Variants in ST8SIA4 observed in about 807,000 individuals in gnomAD.
The protein encoded by ST8SIA4 is CMP-N-acetylneuraminate-poly-alpha-2,8-sialyltransferase.
In ST8SIA4, 15 loss-of-function variants were observed where a neutral mutation model predicts 33.9. The observed-to-expected ratio is 0.44, with a 90% CI of 0.30 to 0.68. ST8SIA4 has a LOEUF of 0.68. Ranked by LOEUF, ST8SIA4 falls within the 30% of genes least tolerant of loss-of-function variation. ST8SIA4 has a pLI of 0.10. For synonymous variants in ST8SIA4, 171 were observed against 151.2 expected (o/e 1.13, Z -0.96); for missense variants, 321 against 428.0 (o/e 0.75, Z 2.21).
intron 1 of ST8SIA4, among the ~76,000 whole-genome samples, chr5:100,899,666 A>T (rs1752857394): frequency 6.6e-6 from 1 of 152,220 alleles, no homozygotes; most frequent in African/African-American, 2.4e-5. Flanking sequence ...TATTTATATG[A>T]CATTAAAGTT....
At chr5:100,895,081 G>T (rs1405661504) in intron 2 of ST8SIA4, among the ~76,000 whole-genome samples, 1 of 151,998 alleles carries the variant, frequency 6.6e-6, no homozygotes, top group Non-Finnish European at 1.5e-5. Context: ...ATAAACGTAG[G>T]CATGGAGTAT....
chr5:100,847,965 A>G (rs909792406), intron 4 of ST8SIA4, among the ~76,000 whole-genome samples: 1 of 152,130 alleles, frequency 6.6e-6, no homozygotes, highest in Non-Finnish European at 1.5e-5. Flanking sequence ...AAAATAATGA[A>G]GCAAAAAAGA....
chr5:100,873,128 C>A lies in ST8SIA4; in HGVS notation c.503+13215G>T, dbSNP rs576330431. Among the ~76,000 whole-genome samples, 5 of 152,230 alleles carry A rather than the reference C, an allele frequency of 3.3e-5. No homozygotes were observed. In the East Asian group the frequency reaches 5.8e-4, roughly 18 times the overall value. On this transcript the variant is annotated intron_variant, in intron 3 of 4. Transcript: ENST00000231461. ...GGATTTACTTACATAAATAAGTACA[C>A]ATTTAAGTGGCCCTCTTAATTGATA...
At chr5:100,817,814 G>A (rs759589922) in intron 4 of ST8SIA4, among the ~76,000 whole-genome samples, 2 of 152,162 alleles carry the variant, frequency 1.3e-5, no homozygotes, top group Non-Finnish European at 2.9e-5. Context: ...CAGACAATAA[G>A]TGATAGATCT....
intron 4 of ST8SIA4, among the ~76,000 whole-genome samples, chr5:100,842,350 G>C (rs1205440010): frequency 1.3e-5 from 2 of 151,920 alleles, no homozygotes; most frequent in Admixed American, 1.3e-4. Flanking sequence ...GATTCTTCCT[G>C]GTAGCGACGT....
chr5:100,834,251 C>A (rs1273477394), intron 4 of ST8SIA4, among the ~76,000 whole-genome samples: 2 of 151,920 alleles, frequency 1.3e-5, no homozygotes, highest in African/African-American at 4.8e-5. Context: ...ACAAAAGGAG[C>A]AATTGTTAGT....
intron 2 of ST8SIA4, among the ~76,000 whole-genome samples, chr5:100,892,545 A>G (rs1401472037): frequency 6.6e-6 from 1 of 152,134 alleles, no homozygotes; most frequent in African/African-American, 2.4e-5. Flanking sequence ...AATAAGGCAT[A>G]TGGGAACAAA....
intron 4 of ST8SIA4, among the ~76,000 whole-genome samples, chr5:100,847,207 A>G (rs1751588692): frequency 6.6e-6 from 1 of 152,104 alleles, no homozygotes; most frequent in African/African-American, 2.4e-5. Context: ...CTAATTTTAA[A>G]ACAAGTAAGC....
chr5:100,902,436 C>A (rs918246962), intron 1 of ST8SIA4, among the ~76,000 whole-genome samples: 2 of 151,984 alleles, frequency 1.3e-5, no homozygotes, highest in Non-Finnish European at 2.9e-5. Flanking sequence ...TTCAGCCCTT[C>A]GAGAAACCAT....
chr5:100,814,734 A>G (rs1483361577), intron 4 of ST8SIA4, among the ~76,000 whole-genome samples: 1 of 151,988 alleles, frequency 6.6e-6, no homozygotes, highest in East Asian at 1.9e-4. Context: ...GTATAGGCCA[A>G]TCTAAATTAT....
At position 100,893,922 on chromosome 5, in the gene ST8SIA4, A is replaced by G. The variant is rs563733819; in HGVS notation, c.245+1732T>C. 2.6e-5 allele frequency among the ~76,000 whole-genome samples: 4 copies of G among 152,180 alleles called. No homozygotes were observed. In the East Asian group the frequency reaches 7.7e-4, roughly 29 times the overall value. ...TCAAATTTTTGCTATTTAATCACCT[A>G]TCTCTCTCTCTTTCCAATATACCTT... On this transcript the variant is annotated intron_variant, in intron 2 of 4. Coordinates refer to ENST00000231461, the MANE Select transcript of ST8SIA4 (RefSeq NM_005668.6).
chr5:100,837,074 T>C (rs1438641465), intron 4 of ST8SIA4, among the ~76,000 whole-genome samples: 1 of 151,742 alleles, frequency 6.6e-6, no homozygotes, highest in Non-Finnish European at 1.5e-5. Flanking sequence ...GATCATTAGC[T>C]CTACTTTCCA....
At chr5:100,834,887 T>C (rs1751337603) in intron 4 of ST8SIA4, among the ~76,000 whole-genome samples, 1 of 152,172 alleles carries the variant, frequency 6.6e-6, no homozygotes, top group Non-Finnish European at 1.5e-5. Context: ...TGCAGAACCA[T>C]GAACCAATTA....
rs917045467 is a variant in ST8SIA4 at position 100,902,854 on chromosome 5, C to T, written c.102G>A (p.Thr34=). The T allele has an allele frequency of 1.2e-6, 2 of 1,613,470 alleles. No individual in the cohort carries two copies. The highest frequency in any genetic ancestry group is 2.7e-5 in the African/African-American group (2 of 74,908). Residue 34 remains threonine, a synonymous_variant, in exon 1 of 5, where the codon ACG becomes ACA. Transcript: ENST00000231461. Reference sequence around the variant, plus strand: ...AGCTTTGCATTTACCCGATGAGTTGCGTCTCCTGGTGCTCCTCAGTTCTTG... The same window carrying T: ...AGCTTTGCATTTACCCGATGAGTTGTGTCTCCTGGTGCTCCTCAGTTCTTG... ...EIARTEEHQE[T]QLIGDGELSL...
At chr5:100,839,855 CACTA>C (rs1415980626) in intron 4 of ST8SIA4, among the ~76,000 whole-genome samples, 2 of 151,740 alleles carry the variant, frequency 1.3e-5, no homozygotes, top group Admixed American at 6.6e-5. Flanking sequence ...CTAACTGTGC[CACTA>C]ACTGAGTGTC....
In ST8SIA4 at chr5:100,886,424, G is replaced by T; in HGVS notation, c.422C>A (p.Thr141Asn). 6.2e-7 allele frequency: 1 copy of T among 1,613,830 alleles called. No individual in the cohort carries two copies. The highest frequency in any genetic ancestry group is 1.1e-5 in the South Asian group (1 of 91,084). Residue 141 changes from threonine (T) to asparagine (N), a missense_variant, in exon 3 of 5, where the codon ACC (threonine) becomes AAC (asparagine). Physicochemically the swap from Thr to Asn is moderately conservative, Grantham distance 65 (BLOSUM62 0). Coordinates refer to ENST00000231461, the MANE Select transcript of ST8SIA4 (RefSeq NM_005668.6). ...VSPMKNRRFK[T>N]CAVVGNSGIL... is the part of the protein sequence containing the mutation. ...GCCAGAATTTCCAACAACTGCACAG[G>T]TCTTAAACCTGCGATTCTTCATTGG...
At chr5:100,834,003 T>C (rs998465477) in intron 4 of ST8SIA4, among the ~76,000 whole-genome samples, 7 of 152,148 alleles carry the variant, frequency 4.6e-5, no homozygotes, top group African/African-American at 1.7e-4. Context: ...AAATATTTGT[T>C]GAATAAGTGA....
intron 4 of ST8SIA4, among the ~76,000 whole-genome samples, chr5:100,844,363 T>C (rs375551206): frequency 6.6e-6 from 1 of 151,936 alleles, no homozygotes; most frequent in Non-Finnish European, 1.5e-5. Context: ...AAATGTACTA[T>C]CTTGAAGGGA....
intron 4 of ST8SIA4, among the ~76,000 whole-genome samples, chr5:100,845,758 C>T (rs540948197): frequency 1.6e-4 from 24 of 151,924 alleles, no homozygotes; most frequent in Admixed American, 1.5e-3. Flanking sequence ...TTTTTAGTAA[C>T]GATTTTTCCT....
Sources: gnomAD v4.1 joint callset for allele counts (sites outside exome capture counted in the v4.1 genomes callset) on GRCh38, gnomAD v4.1.1 for gene constraint, MANE v1.5 for transcripts, NCBI Gene and HGNC (gene_info 2026-07-23, HGNC 2026-07-21) for gene names.